Variants in RBBP9 observed in about 807,000 individuals in gnomAD.
RBBP9 encodes RB binding protein 9, serine hydrolase.
In RBBP9, 20 loss-of-function variants were observed where a neutral mutation model predicts 24.2. That is an observed-to-expected ratio of 0.83 (90% CI 0.58 to 1.20). The LOEUF (loss-of-function observed/expected upper bound fraction) is 1.20. Ranked by LOEUF, RBBP9 falls within the 50% of genes most tolerant of loss-of-function variation. The pLI, the probability that RBBP9 is intolerant of heterozygous loss-of-function variation, is 0.00. For missense variants in RBBP9, 234 were observed against 233.6 expected, an observed-to-expected ratio of 1.00 and a Z score of -0.01; for synonymous variants, 74 against 84.6, an observed-to-expected ratio of 0.87 and a Z score of 0.69.
At chr20:18,490,514 A>G (rs916568440) in intron 3 of RBBP9, 34 bp from the exon 4 acceptor site, 4 of 1,497,186 alleles carry the variant, frequency 2.7e-6, no homozygotes, top group Non-Finnish European at 1.9e-6. Context: ...GCTAATATAT[A>G]ATGTTACCTC....
At chr20:18,491,750 AC>A (rs1384115258) in intron 3 of RBBP9, among the ~76,000 whole-genome samples, 1 of 152,116 alleles carries the variant, frequency 6.6e-6, no homozygotes, top group African/African-American at 2.4e-5. Flanking sequence ...TTGGGCCTGA[AC>A]TTTTTTCCCC....
rs201470200 is a variant in RBBP9, at chr20:18,489,879, A to G, written c.446T>C (p.Val149Ala). ...CAATTTGGTTTCCAACCTATCGGCCACTTCTTGTTGTTCCTTCCAGGGAAG... is the reference window on the plus strand; with the variant it reads ...CAATTTGGTTTCCAACCTATCGGCCGCTTCTTGTTGTTCCTTCCAGGGAAG... ...PFLPWKEQQE[V>A]ADRLETKLHK... The change falls in exon 5 of 5, where the codon GTG (valine) becomes GCG (alanine). Residue 149 changes from valine to alanine, a missense_variant. Transcript: ENST00000337227. 64 of 1,613,860 alleles carry G rather than the reference A, an allele frequency of 4.0e-5. No homozygotes were observed. The highest frequency in any genetic ancestry group is 5.0e-5 in the Non-Finnish European group (59 of 1,179,928).
rs1330222835 is a variant in RBBP9 at position 18,494,013 on chromosome 20, A to G, written c.193T>C (p.Cys65Arg). The change falls in exon 3 of 5, where the codon TGT becomes CGT. Residue 65 changes from cysteine (C) to arginine (R), a missense_variant. Transcript: ENST00000337227. ...CCAATGATGATAGTCTTCTCATCAC[A>G]GTGCAGCTCTGTCTCCATGAAGGGC... ...WLPFMETELH[C>R]DEKTIIIGHS... 1 of 1,613,504 alleles carries G rather than the reference A, an allele frequency of 6.2e-7. No individual in the cohort carries two copies. The highest frequency in any genetic ancestry group is 2.2e-5 in the East Asian group (1 of 44,824).
intron 3 of RBBP9, 22 bp downstream of exon 3, chr20:18,493,936 A>G (rs749680686): frequency 1.3e-6 from 2 of 1,558,518 alleles, no homozygotes; most frequent in Non-Finnish European, 8.8e-7. Flanking sequence ...CAAAGGGGAT[A>G]GCAGTTTAAC....
At chr20:18,494,907 G>A (rs2059879651) in intron 2 of RBBP9, among the ~76,000 whole-genome samples, 2 of 152,128 alleles carry the variant, frequency 1.3e-5, no homozygotes, top group Non-Finnish European at 2.9e-5. Context: ...ATATAGAAGG[G>A]AAAAATCAAG....
At chr20:18,493,040 T>C (rs544956887) in intron 3 of RBBP9, among the ~76,000 whole-genome samples, 1 of 152,218 alleles carries the variant, frequency 6.6e-6, no homozygotes, top group African/African-American at 2.4e-5. Flanking sequence ...TTCCCTGACA[T>C]GCAATTCATG....
At chr20:18,495,142 GA>G (rs536383467) in intron 2 of RBBP9, among the ~76,000 whole-genome samples, 2 of 149,686 alleles carry the variant, frequency 1.3e-5, no homozygotes, top group Non-Finnish European at 3.0e-5. Context: ...TTGTGGAATA[GA>G]AAGGGGGGAA....
intron 1 of RBBP9, among the ~76,000 whole-genome samples, chr20:18,496,290 G>T (rs1396735656): frequency 1.3e-5 from 2 of 152,334 alleles, no homozygotes; most frequent in African/African-American, 2.4e-5. Context: ...CTTTGGGGTT[G>T]TAACTCTGAC....
Position 18,493,987 on chromosome 20 carries a change from G to A in RBBP9, c.219C>T (p.Gly73=), listed in dbSNP as rs2059874692. Residue 73 remains glycine, a synonymous_variant, in exon 3 of 5, where the codon GGC becomes GGT. Coordinates refer to ENST00000337227, the MANE Select transcript of RBBP9 (RefSeq NM_006606.3). ...LHCDEKTIII[G]HSSGAIAAMR... Reference sequence around the variant, plus strand: ...TGGCCGCGATGGCCCCAGAACTGTGGCCAATGATGATAGTCTTCTCATCAC... The same window carrying A: ...TGGCCGCGATGGCCCCAGAACTGTGACCAATGATGATAGTCTTCTCATCAC... 1.9e-6 allele frequency: 3 copies of A among 1,613,220 alleles called. No homozygotes were observed. The highest frequency in any genetic ancestry group is 1.1e-5 in the South Asian group (1 of 90,950).
rs751770304 is a variant in RBBP9 at position 18,490,525 on chromosome 20, T to C, written c.249-45A>G. 5 of 1,427,904 alleles carry C rather than the reference T, an allele frequency of 3.5e-6. No homozygotes were observed. In the East Asian group the frequency reaches 1.1e-4, roughly 33 times the overall value. The allele number at this position is 1,427,904 out of a possible 1,614,324, so 88.5% of individuals were successfully genotyped here. On this transcript the variant is annotated intron_variant, in intron 3 of 4. Transcript: ENST00000337227. ...GTCAGCTAATATATAATGTTACCTC[T>C]GATCACCAAAAAGTCAATAAACTAC...
At position 18,489,084 on chromosome 20, in the gene RBBP9, A is replaced by C. The variant is rs1199200122; in HGVS notation, c.*680T>G. ...CTCTGCCCCATTTCCACATGGCAAC[A>C]ATTTAGACAGGCCATGAGCTCTCCA... On this transcript the variant is annotated 3_prime_UTR_variant, in exon 5 of 5. Transcript: ENST00000337227. 1 of 152,128 alleles carries C rather than the reference A, an allele frequency of 6.6e-6. No homozygotes were observed. Among genetic ancestry groups the C allele is most frequent in the Non-Finnish European group, 1.5e-5 (1 of 68,034 alleles). The allele number at this position is 152,128 out of a possible 1,614,324, so 9.4% of individuals were successfully genotyped here. A position where few individuals can be genotyped will look rare whatever the true frequency, so the allele number is the denominator to read the frequency against.
rs376202865 is a variant in RBBP9 at position 18,489,933 on chromosome 20, A to C, written c.392T>G (p.Val131Gly). ...EKIKANCPYI[V>G]QFGSTDDPFL... ...CGGGTCGTCAGTAGAGCCAAACTGC[A>C]CAATGTAAGGGCAGTTGGCCTTGAT... The change falls in exon 5 of 5, where the codon GTG becomes GGG. Residue 131 changes from valine (V) to glycine (G), a missense_variant. Coordinates refer to ENST00000337227, the MANE Select transcript of RBBP9 (RefSeq NM_006606.3). 7.4e-6 allele frequency: 12 copies of C among 1,613,820 alleles called. No homozygotes were observed. The highest frequency in any genetic ancestry group is 9.3e-6 in the Non-Finnish European group (11 of 1,179,820).
Position 18,488,640 on chromosome 20 carries a change from A to T in RBBP9, c.*1124T>A, listed in dbSNP as rs963325697. 6.6e-6 allele frequency: 1 copy of T among 152,270 alleles called. No individual in the cohort carries two copies. 9.4% of individuals were successfully genotyped at this position (152,270 alleles called of 1,614,324 possible). Reference sequence around the variant, plus strand: ...TGAAAGAGATCTAAAGGGCCATGGAAGTTAAAAGGTTTAACTCTATAGAAC... The same window carrying T: ...TGAAAGAGATCTAAAGGGCCATGGATGTTAAAAGGTTTAACTCTATAGAAC... On this transcript the variant is annotated 3_prime_UTR_variant, in exon 5 of 5. Transcript: ENST00000337227.
In RBBP9 at chr20:18,488,420, C is replaced by A; in HGVS notation, c.*1344G>T. 1 of 152,356 alleles carries A rather than the reference C, an allele frequency of 6.6e-6. No homozygotes were observed. The highest frequency in any genetic ancestry group is 2.1e-4 in the South Asian group (1 of 4,868). 9.4% of individuals were successfully genotyped at this position (152,356 alleles called of 1,614,324 possible). Reference sequence around the variant, plus strand: ...AGCTAGGACTACAGGTGTGCACCACCATGCCTAGCTAATGTTTTAATATTT... The same window carrying A: ...AGCTAGGACTACAGGTGTGCACCACAATGCCTAGCTAATGTTTTAATATTT... On this transcript the variant is annotated 3_prime_UTR_variant, in exon 5 of 5. Transcript: ENST00000337227.
intron 3 of RBBP9, 68 bp downstream of exon 3, chr20:18,493,890 G>T (rs575062994): frequency 8.4e-7 from 1 of 1,196,608 alleles, no homozygotes; most frequent in South Asian, 1.3e-5. Context: ...TAAGATATAC[G>T]CAAGGTATTT....
intron 2 of RBBP9, among the ~76,000 whole-genome samples, chr20:18,495,113 CATG>C (rs1247652378): frequency 1.3e-5 from 2 of 150,094 alleles, no homozygotes; most frequent in Non-Finnish European, 3.0e-5. Context: ...GAGAACGGGC[CATG>C]ATGACAATGG....
chr20:18,496,737 G>C (rs570460959), intron 1 of RBBP9, among the ~76,000 whole-genome samples: 1 of 152,270 alleles, frequency 6.6e-6, no homozygotes, highest in Admixed American at 6.5e-5. Context: ...GCTGAAGCGG[G>C]AAGCAGTGAA....
chr20:18,486,669 CAG>C lies in RBBP9; in HGVS notation c.*3093_*3094del, dbSNP rs2059845606. On this transcript the variant is annotated 3_prime_UTR_variant, in exon 5 of 5. Coordinates refer to ENST00000337227, the MANE Select transcript of RBBP9 (RefSeq NM_006606.3). Reference sequence around the variant, plus strand: ...CTACAGGGATAAACTGTAACCAAAACAGATTGTGGGGCTCTAGACTCCGGACA... The same window carrying C: ...CTACAGGGATAAACTGTAACCAAAACATTGTGGGGCTCTAGACTCCGGACA... The C allele has an allele frequency of 6.6e-6, 1 of 152,070 alleles. No individual in the cohort carries two copies. Among genetic ancestry groups the C allele is most frequent in the South Asian group, 2.1e-4 (1 of 4,828 alleles). The allele number at this position is 152,070 out of a possible 1,614,324, so 9.4% of individuals were successfully genotyped here. A position where few individuals can be genotyped will look rare whatever the true frequency, so the allele number is the denominator to read the frequency against.
chr20:18,494,094 C>G, intron 2 of RBBP9, 31 bp from the exon 3 acceptor site: 1 of 1,562,340 alleles, frequency 6.4e-7, no homozygotes, highest in Non-Finnish European at 8.8e-7. Context: ...AAAAGTCTGT[C>G]ATTTGATAGT....
Sources: gnomAD v4.1 joint callset for allele counts (sites outside exome capture counted in the v4.1 genomes callset) on GRCh38, gnomAD v4.1.1 for gene constraint, MANE v1.5 for transcripts, NCBI Gene and HGNC (gene_info 2026-07-23, HGNC 2026-07-21) for gene names.